The following UTP6 variants were observed in gnomAD, a reference collection of about 807,000 sequenced individuals.
UTP6 encodes the protein U3 small nucleolar RNA-associated protein 6 homolog.
UTP6 carries 60 observed loss-of-function variants against 96.5 expected under a neutral mutation model. The ratio of observed to expected loss-of-function variants is 0.62; its 90% CI spans 0.51 to 0.77. The LOEUF is 0.77. Ranked by LOEUF, UTP6 falls within the 30% of genes least tolerant of loss-of-function variation. The pLI is 0.00. For missense variants in UTP6, 637 were observed against 706.5 expected, an observed-to-expected ratio of 0.90 and a Z score of 1.12; for synonymous variants, 215 against 240.1, an observed-to-expected ratio of 0.90 and a Z score of 0.96.
intron 3 of UTP6, 34 bp from the exon 4 acceptor site, chr17:31,894,771 T>A (rs746474373): frequency 4.5e-6 from 7 of 1,552,300 alleles, no homozygotes; most frequent in South Asian, 3.4e-5. Context: ...GAGCCTCAAC[T>A]TAATCATATT....
chr17:31,888,463 C>T (rs1016699733), intron 7 of UTP6, among the ~76,000 whole-genome samples: 6 of 151,992 alleles, frequency 3.9e-5, no homozygotes, highest in African/African-American at 1.5e-4. Context: ...AATCCCACCA[C>T]TTTCAGAGGC....
intron 12 of UTP6, 136 bp downstream of exon 12, chr17:31,878,566 C>A (rs1002431635): frequency 2.2e-6 from 2 of 898,244 alleles, no homozygotes; most frequent in African/African-American, 1.7e-5. Context: ...AATGTCACGT[C>A]ACCCACAAGG....
At chr17:31,879,824 G>A (rs563192038) in intron 11 of UTP6, among the ~76,000 whole-genome samples, 2 of 151,984 alleles carry the variant, frequency 1.3e-5, no homozygotes, top group East Asian at 1.9e-4. Flanking sequence ...AGCCAGGCAC[G>A]GCCAAATGCG....
At chr17:31,883,400 C>T (rs1910959461) in intron 10 of UTP6, among the ~76,000 whole-genome samples, 1 of 151,084 alleles carries the variant, frequency 6.6e-6, no homozygotes, top group Non-Finnish European at 1.5e-5. Flanking sequence ...ACTGCAACCT[C>T]CACCTCCCGG....
chr17:31,873,005 CT>C (rs1458258198), intron 16 of UTP6, among the ~76,000 whole-genome samples: 1 of 151,306 alleles, frequency 6.6e-6, no homozygotes, highest in Non-Finnish European at 1.5e-5. Context: ...AATCCCTGCA[CT>C]TTGGGAGGCT....
chr17:31,868,799 T>C (rs781160722), intron 16 of UTP6, among the ~76,000 whole-genome samples: 4 of 152,134 alleles, frequency 2.6e-5, no homozygotes, highest in Non-Finnish European at 5.9e-5. Context: ...CAAAACAGTA[T>C]TACTGTGGCC....
chr17:31,877,966 CAAAA>C (rs527445811), intron 13 of UTP6, among the ~76,000 whole-genome samples: 1 of 52,246 alleles, frequency 1.9e-5, no homozygotes, highest in Non-Finnish European at 3.9e-5. Context: ...AACTCCGTCT[CAAAA>C]AAAAAAAAAA....
chr17:31,863,294 A>G lies in UTP6; in HGVS notation c.*65T>C. 6.4e-7 allele frequency: 1 copy of G among 1,565,426 alleles called. No individual in the cohort carries two copies. The highest frequency in any genetic ancestry group is 8.7e-7 in the Non-Finnish European group (1 of 1,147,166). ...ACTGAGCAAATTACAGATGGACTCA[A>G]TACAAATTTGCCCACGGGGCTTGCT... On this transcript the variant is annotated 3_prime_UTR_variant, in exon 19 of 19. Coordinates refer to ENST00000261708, the MANE Select transcript of UTP6 (RefSeq NM_018428.3).
rs367871436 is a variant in UTP6 at position 31,875,247 on chromosome 17, T to C, written c.1292A>G (p.His431Arg). 3.7e-6 allele frequency: 6 copies of C among 1,614,058 alleles called. No homozygotes were observed. The highest frequency in any genetic ancestry group is 4.2e-6 in the Non-Finnish European group (5 of 1,179,994). ...IAMLFEEAFVHLKPQVCLPLW... is the reference protein window; with the variant it reads ...IAMLFEEAFVRLKPQVCLPLW... ...CAGCTCACTGACCTGGGGTTTCAGGTGCACAAAGGCTTCTTCAAAAAGCAT... is the reference window on the plus strand; with the variant it reads ...CAGCTCACTGACCTGGGGTTTCAGGCGCACAAAGGCTTCTTCAAAAAGCAT... Residue 431 changes from histidine to arginine, a missense_variant, in exon 14 of 19, where the codon CAC becomes CGC. Physicochemically the swap from His to Arg is conservative, Grantham distance 29. Coordinates refer to ENST00000261708, the MANE Select transcript of UTP6 (RefSeq NM_018428.3).
chr17:31,867,695 C>T (rs1453639991), intron 17 of UTP6, among the ~76,000 whole-genome samples: 1 of 152,006 alleles, frequency 6.6e-6, no homozygotes, highest in Non-Finnish European at 1.5e-5. Flanking sequence ...CGGTGGCTCA[C>T]GCCTGTAATC....
chr17:31,873,287 T>A, intron 16 of UTP6, 91 bp downstream of exon 16: 2 of 1,216,374 alleles, frequency 1.6e-6, no homozygotes, highest in Non-Finnish European at 2.4e-6. Flanking sequence ...GATTACTCCC[T>A]CAGATGCTAT....
intron 1 of UTP6, chr17:31,901,202 C>A: frequency 6.7e-6 from 2 of 300,410 alleles, no homozygotes; most frequent in Non-Finnish European, 1.3e-5. Context: ...ACTTACAGTA[C>A]ACTGTTATCA....
chr17:31,892,009 C>A (rs141177417), intron 6 of UTP6: 3 of 440,370 alleles, frequency 6.8e-6, no homozygotes, highest in South Asian at 5.1e-5. Flanking sequence ...GGCGACAGAG[C>A]GAGACTCCGT....
intron 7 of UTP6, chr17:31,887,960 TCA>T (rs1911250230): frequency 3.5e-5 from 1 of 28,676 alleles, no homozygotes; most frequent in Non-Finnish European, 5.1e-5. Context: ...AGACTCCATC[TCA>T]AAAAAAAAAA....
chr17:31,892,819 C>T (rs201022350), intron 4 of UTP6, 25 bp from the exon 5 acceptor site: 2 of 1,613,880 alleles, frequency 1.2e-6, no homozygotes, highest in African/African-American at 2.7e-5. Flanking sequence ...ATGTAGTAAG[C>T]TGCCCAAATT....
At chr17:31,868,465 G>A (rs867227025) in intron 16 of UTP6, among the ~76,000 whole-genome samples, 1 of 150,916 alleles carries the variant, frequency 6.6e-6, no homozygotes, top group Non-Finnish European at 1.5e-5. Flanking sequence ...GAGTAACTGT[G>A]ACTACAGGCA....
intron 6 of UTP6, among the ~76,000 whole-genome samples, chr17:31,891,412 G>A (rs1911483034): frequency 6.6e-6 from 1 of 152,176 alleles, no homozygotes; most frequent in Admixed American, 6.6e-5. Context: ...ACATACCTAA[G>A]GCTATCCTGC....
At chr17:31,900,308 GTT>G (rs997353639) in intron 1 of UTP6, among the ~76,000 whole-genome samples, 2 of 151,784 alleles carry the variant, frequency 1.3e-5, no homozygotes, top group Admixed American at 6.6e-5. Context: ...TGTTTTTTTT[GTT>G]TGTTTTTTTC....
At position 31,896,171 on chromosome 17, in the gene UTP6, G is replaced by T. The variant is rs145915302; in HGVS notation, c.178-1160C>A. ...AGGCTCACTGCAACCTCCGCCTCCC[G>T]GATTCAAGCAGTTTTCCTGCCTCAG... is the stretch of plus-strand genomic sequence containing the variant. On this transcript the variant is annotated intron_variant, in intron 2 of 18. Transcript: ENST00000261708. Among the ~76,000 whole-genome samples, 905 of 151,700 alleles carry T rather than the reference G, an allele frequency of 6.0e-3. 6 individuals are homozygous for T. Among genetic ancestry groups the T allele is most frequent in the African/African-American group, 0.021 (849 of 41,396 alleles).
Sources: gnomAD v4.1 joint callset for allele counts (sites outside exome capture counted in the v4.1 genomes callset) on GRCh38, gnomAD v4.1.1 for gene constraint, MANE v1.5 for transcripts, NCBI Gene and HGNC (gene_info 2026-07-23, HGNC 2026-07-21) for gene names.